The following CARS1 variants were observed in gnomAD, a reference collection of about 807,000 sequenced individuals.
The protein encoded by CARS1 is cysteinyl-tRNA synthetase 1.
In CARS1, 48 loss-of-function variants were observed where a neutral mutation model predicts 106.2. The ratio of observed to expected loss-of-function variants is 0.45; its 90% CI spans 0.36 to 0.57. The LOEUF (loss-of-function observed/expected upper bound fraction) is 0.57. Ranked by LOEUF, CARS1 falls within the 20% of genes least tolerant of loss-of-function variation. The pLI, the probability that CARS1 is intolerant of heterozygous loss-of-function variation, is 0.00. For synonymous variants in CARS1, 409 were observed against 403.4 expected, an observed-to-expected ratio of 1.01 and a Z score of -0.17; for missense variants, 968 against 1,057.2, an observed-to-expected ratio of 0.92 and a Z score of 1.17.
chr11:3,048,025 T>C lies in CARS1; in HGVS notation c.26-24A>G. 6.2e-7 allele frequency: 1 copy of C among 1,604,140 alleles called. No individual in the cohort carries two copies. Among genetic ancestry groups the C allele is most frequent in the Non-Finnish European group, 8.5e-7 (1 of 1,172,546 alleles). ...AGCTGCAAAGACAGAGGGCACATGG[T>C]GTCAGGCAGGCAGGCGGGCAGCCCA... is the stretch of plus-strand genomic sequence containing the variant. On this transcript the variant is annotated intron_variant, in intron 1 of 22. Transcript: ENST00000380525. The surrounding 1 kb of genome is among the most constrained non-coding windows in gnomAD (Gnocchi z 5.1).
chr11:3,049,278 C>A (rs1460817500), intron 1 of CARS1, among the ~76,000 whole-genome samples: 1 of 152,174 alleles, frequency 6.6e-6, no homozygotes, highest in Non-Finnish European at 1.5e-5. Flanking sequence ...CCAGGCCCAG[C>A]TAATCATACT....
rs146452296 is a variant in CARS1, at chr11:3,025,832, C to T, written c.1153+844G>A. Among the ~76,000 whole-genome samples the T allele has an allele frequency of 6.5e-3, 993 of 152,288 alleles. 11 individuals are homozygous for T. Among genetic ancestry groups the T allele is most frequent in the African/African-American group, 0.023 (937 of 41,558 alleles). The stretch of plus-strand genomic sequence containing the variant: ...TTTGAAGCATTTGGATCCAGATGGG[C>T]GCACAGGCTGTTGTCAAATATGCAT... On this transcript the variant is annotated intron_variant, in intron 10 of 22. Transcript: ENST00000380525.
chr11:3,023,497 C>A (rs1019523680), intron 10 of CARS1, among the ~76,000 whole-genome samples: 1 of 152,156 alleles, frequency 6.6e-6, no homozygotes, highest in Non-Finnish European at 1.5e-5. Context: ...CTGGCTCAAG[C>A]AACCCTCTTA....
At position 3,040,425 on chromosome 11, in the gene CARS1, T is replaced by C. The variant is rs906029478; in HGVS notation, c.455+471A>G. 1.4e-5 allele frequency: 6 copies of C among 430,088 alleles called. No individual in the cohort carries two copies. The highest frequency in any genetic ancestry group is 2.3e-5 in the Non-Finnish European group (5 of 217,746). 26.6% of individuals were successfully genotyped at this position (430,088 alleles called of 1,614,324 possible). A position where few individuals can be genotyped will look rare whatever the true frequency, so the allele number is the denominator to read the frequency against. On this transcript the variant is annotated intron_variant, in intron 4 of 22. Transcript: ENST00000380525. The surrounding 1 kb of genome is among the most constrained non-coding windows in gnomAD (Gnocchi z 5.8). The stretch of plus-strand genomic sequence containing the variant: ...GCACTGCAACTAAAACATGAACACA[T>C]AAAAGGACTCTGTGGCATTTACCCC...
rs1189373108 is a variant in CARS1 at position 3,048,111 on chromosome 11, G to A, written c.26-110C>T. The A allele has an allele frequency of 2.2e-6, 3 of 1,350,406 alleles. No homozygotes were observed. Among genetic ancestry groups the A allele is most frequent in the East Asian group, 2.4e-5 (1 of 41,946 alleles). 83.7% of individuals were successfully genotyped at this position (1,350,406 alleles called of 1,614,324 possible). On this transcript the variant is annotated intron_variant, in intron 1 of 22. Coordinates refer to ENST00000380525, the MANE Select transcript of CARS1 (RefSeq NM_001014437.3). The surrounding 1 kb of genome is among the most constrained non-coding windows in gnomAD (Gnocchi z 5.1). ...CAGAACCAAGGAAAAAGGTGTTCAAGCCCTTCCCTGGACGCCAAACATCCA... is the reference window on the plus strand; with the variant it reads ...CAGAACCAAGGAAAAAGGTGTTCAAACCCTTCCCTGGACGCCAAACATCCA...
At chr11:3,014,458 C>T (rs933255267) in intron 17 of CARS1, among the ~76,000 whole-genome samples, 10 of 152,262 alleles carry the variant, frequency 6.6e-5, no homozygotes, top group Non-Finnish European at 1.5e-4. Flanking sequence ...CCAAATGAGG[C>T]TGCCTGGGGG....
chr11:3,019,947 C>G lies in CARS1; in HGVS notation c.1266+273G>C, dbSNP rs987164127. ...ACTCAGAGTCACAGAACACAAGAAC[C>G]AAGAAGCCTCCATGGACGTCTACTC... On this transcript the variant is annotated intron_variant, in intron 11 of 22. Coordinates refer to ENST00000380525, the MANE Select transcript of CARS1 (RefSeq NM_001014437.3). This position sits in a 1 kb window ranked among gnomAD's most constrained non-coding sequence, Gnocchi z 6.2. Among the ~76,000 whole-genome samples the G allele has an allele frequency of 6.6e-6, 1 of 152,180 alleles. No homozygotes were observed. Among genetic ancestry groups the G allele is most frequent in the East Asian group, 1.9e-4 (1 of 5,202 alleles).
rs1199135424 is a variant in CARS1 at position 3,038,507 on chromosome 11, G to C, written c.652-308C>G. Among the ~76,000 whole-genome samples, 1 of 152,212 alleles carries C rather than the reference G, an allele frequency of 6.6e-6. No individual in the cohort carries two copies. The highest frequency in any genetic ancestry group is 1.5e-5 in the Non-Finnish European group (1 of 68,032). On this transcript the variant is annotated intron_variant, in intron 6 of 22. Coordinates refer to ENST00000380525, the MANE Select transcript of CARS1 (RefSeq NM_001014437.3). This position sits in a 1 kb window ranked among gnomAD's most constrained non-coding sequence, Gnocchi z 4.0. ...AGGGCTGTTCTGGGGATGAGGAAAAGTAGGCCACCCAGTGTGTTCTGAGGT... is the reference window on the plus strand; with the variant it reads ...AGGGCTGTTCTGGGGATGAGGAAAACTAGGCCACCCAGTGTGTTCTGAGGT...
chr11:3,021,418 G>C lies in CARS1; in HGVS notation c.1154-1086C>G, dbSNP rs1056075303. On this transcript the variant is annotated intron_variant, in intron 10 of 22. Coordinates refer to ENST00000380525, the MANE Select transcript of CARS1 (RefSeq NM_001014437.3). This position sits in a 1 kb window ranked among gnomAD's most constrained non-coding sequence, Gnocchi z 5.3. Reference sequence around the variant, plus strand: ...GTGGAGGAAGAACAGACTCCATCTAGGGTTCTAACTCAGGTGACCCTGAAG... The same window carrying C: ...GTGGAGGAAGAACAGACTCCATCTACGGTTCTAACTCAGGTGACCCTGAAG... Among the ~76,000 whole-genome samples the C allele has an allele frequency of 5.9e-5, 9 of 152,140 alleles. No homozygotes were observed. The highest frequency in any genetic ancestry group is 5.9e-4 in the Admixed American group (9 of 15,262).
intron 10 of CARS1, among the ~76,000 whole-genome samples, chr11:3,025,119 C>A (rs1296403817): frequency 6.6e-6 from 1 of 152,162 alleles, no homozygotes; most frequent in Non-Finnish European, 1.5e-5. Flanking sequence ...TCATCACAAA[C>A]CCGCCCCTCT....
rs1035507719 is a variant in CARS1, at chr11:3,045,015, G to A, written c.274+2738C>T. Among the ~76,000 whole-genome samples, 4 of 152,110 alleles carry A rather than the reference G, an allele frequency of 2.6e-5. No homozygotes were observed. The highest frequency in any genetic ancestry group is 4.8e-5 in the African/African-American group (2 of 41,412). ...TTCATGTTCCTGAAACTATGGCCTC[G>A]GCGTCTGACAGACCCACACCCTCCT... On this transcript the variant is annotated intron_variant, in intron 2 of 22. Transcript: ENST00000380525. The surrounding 1 kb of genome is among the most constrained non-coding windows in gnomAD (Gnocchi z 5.6).
At chr11:3,026,932 T>G in intron 9 of CARS1, 135 bp from the exon 10 acceptor site, 2 of 965,554 alleles carry the variant, frequency 2.1e-6, no homozygotes, top group Non-Finnish European at 3.0e-6. Flanking sequence ...TGGTGGCCAC[T>G]GAAAACCGTA....
In CARS1 at chr11:3,007,082, T is replaced by C. The variant is rs564301993; in HGVS notation, c.2069-123A>G. 12 of 818,430 alleles carry C rather than the reference T, an allele frequency of 1.5e-5. No individual in the cohort carries two copies. In the East Asian group the frequency reaches 2.7e-4, roughly 19 times the overall value. 50.7% of individuals were successfully genotyped at this position (818,430 alleles called of 1,614,324 possible). A position where few individuals can be genotyped will look rare whatever the true frequency, so the allele number is the denominator to read the frequency against. ...ACAGAACAAGTGCCTCCTCCAGTGCTCAGGAGGGAGGGGCCCCGGCCCACA... is the reference window on the plus strand; with the variant it reads ...ACAGAACAAGTGCCTCCTCCAGTGCCCAGGAGGGAGGGGCCCCGGCCCACA... On this transcript the variant is annotated intron_variant, in intron 18 of 22. Transcript: ENST00000380525.
chr11:3,048,964 G>A lies in CARS1; in HGVS notation c.26-963C>T, dbSNP rs1855390285. ...CATGTCACCATTGGGAGGAGGAGCA[G>A]AACCCTAACTTTCACCACTGCCAGC... On this transcript the variant is annotated intron_variant, in intron 1 of 22. Transcript: ENST00000380525. The surrounding 1 kb of genome is among the most constrained non-coding windows in gnomAD (Gnocchi z 5.1). 6.6e-6 allele frequency among the ~76,000 whole-genome samples: 1 copy of A among 152,184 alleles called. No homozygotes were observed. The highest frequency in any genetic ancestry group is 2.1e-4 in the South Asian group (1 of 4,826).
Position 3,038,209 on chromosome 11 carries a change from T to C in CARS1, c.652-10A>G, listed in dbSNP as rs762135030. On this transcript the variant is annotated splice_polypyrimidine_tract_variant and intron_variant, in intron 6 of 22. Coordinates refer to ENST00000380525, the MANE Select transcript of CARS1 (RefSeq NM_001014437.3). This position sits in a 1 kb window ranked among gnomAD's most constrained non-coding sequence, Gnocchi z 4.0. Reference sequence around the variant, plus strand: ...ATTTTACTGAAAATGGCTGCAACCATAAAGAGACGTCAAATCTATTAGATA... The same window carrying C: ...ATTTTACTGAAAATGGCTGCAACCACAAAGAGACGTCAAATCTATTAGATA... The C allele has an allele frequency of 6.2e-7, 1 of 1,612,790 alleles. No individual in the cohort carries two copies. The highest frequency in any genetic ancestry group is 8.5e-7 in the Non-Finnish European group (1 of 1,178,944).
chr11:3,002,087 C>G, intron 21 of CARS1, 34 bp from the exon 22 acceptor site: 2 of 1,418,408 alleles, frequency 1.4e-6, no homozygotes, highest in Non-Finnish European at 1.0e-6. Context: ...TCACTGCCCC[C>G]GAGCAGCACC....
intron 18 of CARS1, among the ~76,000 whole-genome samples, chr11:3,010,250 T>C (rs1006605921): frequency 2.0e-5 from 3 of 152,196 alleles, no homozygotes; most frequent in Non-Finnish European, 4.4e-5. Flanking sequence ...GGCTGTGGCA[T>C]GCCAGGGAAG....
intron 19 of CARS1, among the ~76,000 whole-genome samples, chr11:3,006,292 A>G (rs970222659): frequency 5.3e-5 from 8 of 152,244 alleles, no homozygotes; most frequent in African/African-American, 1.9e-4. Flanking sequence ...CTAAAGATAC[A>G]AAAATTAGCC....
In CARS1 at chr11:3,020,081, C is replaced by T. The variant is rs1022344162; in HGVS notation, c.1266+139G>A. On this transcript the variant is annotated intron_variant, in intron 11 of 22. Transcript: ENST00000380525. The surrounding 1 kb of genome is among the most constrained non-coding windows in gnomAD (Gnocchi z 4.6). ...TGTCCAGGTCCCCGGGGCCAGGCAG[C>T]CTGTGCTGCACCAGCACCAGGCTCT... The T allele has an allele frequency of 3.1e-6, 2 of 651,390 alleles. No homozygotes were observed. The highest frequency in any genetic ancestry group is 3.6e-5 in the African/African-American group (2 of 55,238). 40.4% of individuals were successfully genotyped at this position (651,390 alleles called of 1,614,324 possible). A position where few individuals can be genotyped will look rare whatever the true frequency, so the allele number is the denominator to read the frequency against.
Sources: allele counts gnomAD v4.1 joint callset (sites outside exome capture counted in the v4.1 genomes callset), GRCh38; gene constraint gnomAD v4.1.1; non-coding constraint Gnocchi (gnomAD v3.1); transcripts MANE v1.5; gene names NCBI Gene and HGNC (gene_info 2026-07-23, HGNC 2026-07-21).